The following RBM19 variants were observed in gnomAD, a reference collection of about 807,000 sequenced individuals.
The protein encoded by RBM19 is probable RNA-binding protein 19.
Under a neutral mutation model 116.8 loss-of-function variants are expected in RBM19, and 94 were observed. The ratio of observed to expected loss-of-function variants is 0.80; its 90% CI spans 0.68 to 0.95. RBM19 has a LOEUF of 0.95. RBM19 is among the 40% of genes least tolerant of loss of function. The pLI is 0.00. For missense variants in RBM19, 1,161 were observed against 1,220.7 expected, an observed-to-expected ratio of 0.95 and a Z score of 0.73; for synonymous variants, 475 against 494.1, an observed-to-expected ratio of 0.96 and a Z score of 0.51.
At chr12:113,849,825 C>T (rs1489538780) in intron 22 of RBM19, among the ~76,000 whole-genome samples, 1 of 152,122 alleles carries the variant, frequency 6.6e-6, no homozygotes, top group Non-Finnish European at 1.5e-5. Flanking sequence ...CCTGGTCCCT[C>T]CTCCCCCATC....
At chr12:113,901,389 G>A (rs1228990288) in intron 21 of RBM19, among the ~76,000 whole-genome samples, 1 of 152,116 alleles carries the variant, frequency 6.6e-6, no homozygotes, top group Non-Finnish European at 1.5e-5. Context: ...AAGCCTAGAG[G>A]ATTCTACCTT....
intron 23 of RBM19, among the ~76,000 whole-genome samples, chr12:113,836,859 C>T (rs1875952601): frequency 7.8e-6 from 1 of 128,250 alleles, no homozygotes. Context: ...CCAAGCAATG[C>T]TTATGTGTCA....
intron 21 of RBM19, among the ~76,000 whole-genome samples, chr12:113,861,053 A>G (rs1169665226): frequency 6.6e-6 from 1 of 152,228 alleles, no homozygotes; most frequent in Non-Finnish European, 1.5e-5. Flanking sequence ...TTACAGATGA[A>G]GAAACCAAGG....
At chr12:113,961,779 C>G (rs932586907) in intron 2 of RBM19, among the ~76,000 whole-genome samples, 1 of 152,218 alleles carries the variant, frequency 6.6e-6, no homozygotes, top group Non-Finnish European at 1.5e-5. Flanking sequence ...TGTCACTGAG[C>G]CAAAGCAGCC....
chr12:113,962,946 C>T (rs1157074852), intron 1 of RBM19, among the ~76,000 whole-genome samples: 1 of 152,008 alleles, frequency 6.6e-6, no homozygotes, highest in Non-Finnish European at 1.5e-5. Flanking sequence ...CCAATGTCAC[C>T]TCAAGGGTCC....
At chr12:113,917,456 A>G (rs569778443) in intron 20 of RBM19, among the ~76,000 whole-genome samples, 33 of 152,262 alleles carry the variant, frequency 2.2e-4, no homozygotes, top group African/African-American at 7.7e-4. Flanking sequence ...CCCCCACTAG[A>G]CTTCTGAGGG....
chr12:113,943,594 G>A (rs1870758980), intron 13 of RBM19, among the ~76,000 whole-genome samples: 2 of 152,036 alleles, frequency 1.3e-5, no homozygotes, highest in Admixed American at 6.6e-5. Context: ...CTGAGGCAGG[G>A]GGATCACCTG....
At chr12:113,937,353 G>T (rs1870162844) in intron 15 of RBM19, 1 of 422,490 alleles carries the variant, frequency 2.4e-6, no homozygotes, top group East Asian at 4.0e-5. Context: ...CAGGAGAGAG[G>T]CTTTAGTCTC....
downstream of RBM19, chr12:113,817,730 G>A (rs1327809046): frequency 1.3e-5 from 2 of 152,382 alleles, no homozygotes; most frequent in Non-Finnish European, 2.9e-5. Flanking sequence ...CCCGGAGTCT[G>A]GTTTTCAGAA....
chr12:113,848,341 T>C (rs984813610), intron 22 of RBM19, among the ~76,000 whole-genome samples: 5 of 152,222 alleles, frequency 3.3e-5, no homozygotes, highest in African/African-American at 7.2e-5. Flanking sequence ...TGCTGAGTTC[T>C]AGTCCCTGCA....
chr12:113,864,280 A>C (rs536334250), intron 21 of RBM19, among the ~76,000 whole-genome samples: 46 of 152,184 alleles, frequency 3.0e-4, no homozygotes, highest in Non-Finnish European at 6.2e-4. Context: ...GTCAAGTATT[A>C]ACCTTGCCCT....
intron 23 of RBM19, among the ~76,000 whole-genome samples, chr12:113,833,491 G>A (rs2135697999): frequency 6.6e-6 from 1 of 152,296 alleles, no homozygotes; most frequent in Non-Finnish European, 1.5e-5. Flanking sequence ...TGGGCTTCCT[G>A]CCAGGCCAGA....
At chr12:113,920,236 C>A (rs564806015) in intron 19 of RBM19, among the ~76,000 whole-genome samples, 6 of 152,202 alleles carry the variant, frequency 3.9e-5, no homozygotes, top group Non-Finnish European at 8.8e-5. Context: ...AGTGCCCCAC[C>A]TCCACCCCCA....
Position 113,945,865 on chromosome 12 carries a change from T to C in RBM19, c.1589A>G (p.Gln530Arg), listed in dbSNP as rs753411509. The C allele has an allele frequency of 5.0e-6, 8 of 1,590,106 alleles. No individual in the cohort carries two copies. The East Asian group carries it at 6.7e-5, about 13-fold the overall frequency. The change falls in exon 13 of 24, where the codon CAG becomes CGG. Residue 530 changes from glutamine (Q) to arginine (R), a missense_variant. Gln to Arg is a conservative substitution (Grantham distance 43, BLOSUM62 1). Transcript: ENST00000261741. The stretch of plus-strand genomic sequence containing the variant: ...TTGACTCTTGGTGGCGTTGTACTTC[T>C]GTGCGATGGCATCGGCCACGGCATT... ...GPNAVADAIA[Q>R]KYNATKSQVF...
At chr12:113,907,962 C>T (rs1593565774) in intron 21 of RBM19, among the ~76,000 whole-genome samples, 1 of 152,190 alleles carries the variant, frequency 6.6e-6, no homozygotes, top group East Asian at 1.9e-4. Context: ...GTGATGCCCC[C>T]TGACCTAGGG....
chr12:113,853,768 C>A (rs1252508744), intron 22 of RBM19, among the ~76,000 whole-genome samples: 1 of 152,150 alleles, frequency 6.6e-6, no homozygotes, highest in Non-Finnish European at 1.5e-5. Context: ...TGGGGATTGG[C>A]AGGGTTGGAA....
rs1432818218 is a variant in RBM19 at position 113,898,370 on chromosome 12, T to C, written c.2558+16599A>G. Among the ~76,000 whole-genome samples, 1 of 152,190 alleles carries C rather than the reference T, an allele frequency of 6.6e-6. No homozygotes were observed. The highest frequency in any genetic ancestry group is 1.5e-5 in the Non-Finnish European group (1 of 68,038). On this transcript the variant is annotated intron_variant, in intron 21 of 23. Transcript: ENST00000261741. This position sits in a 1 kb window ranked among gnomAD's most constrained non-coding sequence, Gnocchi z 4.3. ...CTTCAGGGACAGGCAAGTGACATCC[T>C]ACAGACACAGACATGATGCCTTTGG...
chr12:113,956,758 C>T (rs543791399), intron 6 of RBM19, among the ~76,000 whole-genome samples: 4 of 152,116 alleles, frequency 2.6e-5, no homozygotes, highest in East Asian at 3.9e-4. Flanking sequence ...TTTATGATCT[C>T]GACTTCAGAC....
At chr12:113,875,694 C>T (rs1219531459) in intron 21 of RBM19, among the ~76,000 whole-genome samples, 2 of 152,140 alleles carry the variant, frequency 1.3e-5, no homozygotes, top group Non-Finnish European at 1.5e-5. Flanking sequence ...AAGAGAAAGA[C>T]GAGAAAAATC....
Sources: allele counts gnomAD v4.1 joint callset (sites outside exome capture counted in the v4.1 genomes callset), GRCh38; gene constraint gnomAD v4.1.1; non-coding constraint Gnocchi (gnomAD v3.1); transcripts MANE v1.5; gene names NCBI Gene and HGNC (gene_info 2026-07-23, HGNC 2026-07-21).